Variants in NUAK1 observed in about 807,000 individuals in gnomAD.
NUAK1 encodes NUAK family SNF1-like kinase 1.
NUAK1 carries 26 observed loss-of-function variants against 56.9 expected under a neutral mutation model. The observed-to-expected ratio is 0.46, with a 90% confidence interval of 0.33 to 0.63. NUAK1 has a LOEUF of 0.63. Ranked by LOEUF, NUAK1 falls within the 30% of genes least tolerant of loss-of-function variation. The pLI, the probability that NUAK1 is intolerant of heterozygous loss-of-function variation, is 0.02. For synonymous variants in NUAK1, 337 were observed against 336.0 expected, an observed-to-expected ratio of 1.00 and a Z score of -0.03; for missense variants, 727 against 876.1, an observed-to-expected ratio of 0.83 and a Z score of 2.15.
chr12:106,078,456 A>G (rs1377604680), intron 4 of NUAK1, among the ~76,000 whole-genome samples: 1 of 152,350 alleles, frequency 6.6e-6, no homozygotes, highest in South Asian at 2.1e-4. Flanking sequence ...AAAGTTCTAC[A>G]TAAAGGGGAG....
At chr12:106,114,413 T>C (rs1281186295) in intron 1 of NUAK1, among the ~76,000 whole-genome samples, 1 of 152,106 alleles carries the variant, frequency 6.6e-6, no homozygotes, top group Non-Finnish European at 1.5e-5. Context: ...CAAATGAGGA[T>C]GATGATGGTA....
intron 2 of NUAK1, among the ~76,000 whole-genome samples, chr12:106,087,316 G>A (rs2032583129): frequency 6.6e-6 from 1 of 152,200 alleles, no homozygotes; most frequent in African/African-American, 2.4e-5. Flanking sequence ...GCTCAATCTT[G>A]TCATCTCTTT....
Position 106,067,623 on chromosome 12 carries a change from G to T in NUAK1, c.1165C>A (p.Pro389Thr). The T allele has an allele frequency of 6.2e-7, 1 of 1,614,210 alleles. No homozygotes were observed. Among genetic ancestry groups the T allele is most frequent in the African/African-American group, 1.3e-5 (1 of 75,044 alleles). Reference sequence around the variant, plus strand: ...GGCCTCTTAGAACTCAACTTGGATGGGCTTTCAGGCACTGCATCCTGACCA... The same window carrying T: ...GGCCTCTTAGAACTCAACTTGGATGTGCTTTCAGGCACTGCATCCTGACCA... ...QSGQDAVPES[P>T]SKLSSKRPKG... The change falls in exon 7 of 7, where the codon CCA becomes ACA. Residue 389 changes from proline (P) to threonine (T), a missense_variant. Coordinates refer to ENST00000261402, the MANE Select transcript of NUAK1 (RefSeq NM_014840.3). The surrounding 1 kb of genome is among the most constrained non-coding windows in gnomAD (Gnocchi z 6.0).
intron 2 of NUAK1, among the ~76,000 whole-genome samples, chr12:106,099,941 C>A (rs1299869059): frequency 2.0e-5 from 3 of 151,342 alleles, no homozygotes; most frequent in Non-Finnish European, 2.9e-5. Context: ...CAGGCATGCA[C>A]CATCACGTCC....
chr12:106,129,635 T>A (rs537166367), intron 1 of NUAK1, among the ~76,000 whole-genome samples: 2 of 148,508 alleles, frequency 1.3e-5, no homozygotes, highest in African/African-American at 5.2e-5. Flanking sequence ...ATGGGAGGAT[T>A]TTAAGCATGG....
At chr12:106,114,367 C>T (rs1373913979) in intron 1 of NUAK1, among the ~76,000 whole-genome samples, 2 of 152,148 alleles carry the variant, frequency 1.3e-5, no homozygotes, top group Non-Finnish European at 1.5e-5. Flanking sequence ...GAGAGGGACT[C>T]GGATAATCAC....
At chr12:106,085,526 G>A (rs923056689) in intron 3 of NUAK1, among the ~76,000 whole-genome samples, 2 of 152,160 alleles carry the variant, frequency 1.3e-5, no homozygotes, top group Non-Finnish European at 2.9e-5. Context: ...CTCAAGTCAC[G>A]TTATCCTCAA....
At chr12:106,103,176 T>G (rs909712796) in intron 2 of NUAK1, 1 of 152,266 alleles carries the variant, frequency 6.6e-6, no homozygotes, top group Non-Finnish European at 1.5e-5. Context: ...ACACAGGGCA[T>G]GGTGCTGGTG....
chr12:106,080,344 T>G (rs914848434), intron 4 of NUAK1, among the ~76,000 whole-genome samples: 1 of 152,234 alleles, frequency 6.6e-6, no homozygotes, highest in African/African-American at 2.4e-5. Flanking sequence ...CCTGGACCTC[T>G]TCTCATTGTA....
Position 106,138,842 on chromosome 12 carries a change from G to A in NUAK1, c.-189C>T. 4.2e-6 allele frequency: 3 copies of A among 710,070 alleles called. No individual in the cohort carries two copies. In the Admixed American group the frequency reaches 1.3e-4, roughly 31 times the overall value. 44.0% of individuals were successfully genotyped at this position (710,070 alleles called of 1,614,324 possible). ...CGGGGACTGCACATCTGGCGCCCGCGGCGCGCACGGTCCGCGCACCGCCCC... is the reference window on the plus strand; with the variant it reads ...CGGGGACTGCACATCTGGCGCCCGCAGCGCGCACGGTCCGCGCACCGCCCC... On this transcript the variant is annotated 5_prime_UTR_variant, in exon 1 of 7. Transcript: ENST00000261402. The surrounding 1 kb of genome is among the most constrained non-coding windows in gnomAD (Gnocchi z 5.0).
intron 1 of NUAK1, among the ~76,000 whole-genome samples, chr12:106,110,084 C>T (rs1205207571): frequency 6.6e-6 from 1 of 152,158 alleles, no homozygotes; most frequent in Non-Finnish European, 1.5e-5. Flanking sequence ...CAGCTGGTTA[C>T]ACACCATTAT....
intron 1 of NUAK1, among the ~76,000 whole-genome samples, chr12:106,130,085 G>GATTC (rs535049417): frequency 7.9e-4 from 120 of 152,112 alleles, no homozygotes; most frequent in Non-Finnish European, 1.2e-3. Flanking sequence ...AGGTTCAAGC[G>GATTC]ATTCTCCTGC....
At chr12:106,115,138 G>A (rs2032903021) in intron 1 of NUAK1, among the ~76,000 whole-genome samples, 1 of 152,038 alleles carries the variant, frequency 6.6e-6, no homozygotes, top group Admixed American at 6.6e-5. Flanking sequence ...CTAACCTTGG[G>A]GACAATGAGC....
chr12:106,090,864 G>A (rs2136464739), intron 2 of NUAK1, among the ~76,000 whole-genome samples: 1 of 152,310 alleles, frequency 6.6e-6, no homozygotes, highest in South Asian at 2.1e-4. Flanking sequence ...TGTTGTGGCT[G>A]CCACAGAATC....
intron 4 of NUAK1, among the ~76,000 whole-genome samples, chr12:106,073,094 C>A (rs909836071): frequency 4.6e-5 from 7 of 152,202 alleles, no homozygotes; most frequent in African/African-American, 1.7e-4. Context: ...ACAAGCTCTG[C>A]AACTTACTTA....
intron 2 of NUAK1, among the ~76,000 whole-genome samples, chr12:106,099,046 A>G (rs2032723520): frequency 6.6e-6 from 1 of 152,186 alleles, no homozygotes; most frequent in Non-Finnish European, 1.5e-5. Context: ...TTTCCTTAGT[A>G]TCACACACTG....
intron 3 of NUAK1, among the ~76,000 whole-genome samples, chr12:106,084,298 G>A (rs1028389305): frequency 6.6e-6 from 1 of 152,186 alleles, no homozygotes. Context: ...GATTCCCAGG[G>A]AAGAAGCAGA....
At chr12:106,107,733 C>T (rs1284783305) in intron 1 of NUAK1, among the ~76,000 whole-genome samples, 1 of 152,182 alleles carries the variant, frequency 6.6e-6, no homozygotes, top group Non-Finnish European at 1.5e-5. Context: ...CTGACTTGTA[C>T]CAGCTCTCCA....
Position 106,138,891 on chromosome 12 carries a change from G to T in NUAK1, c.-238C>A. ...CCCCGGCCGCGGCGAGCTGTGGAGC[G>T]TCGGGCGAGGTGGCGGCGGTGGCAG... is the stretch of plus-strand genomic sequence containing the variant. On this transcript the variant is annotated 5_prime_UTR_variant, in exon 1 of 7. Coordinates refer to ENST00000261402, the MANE Select transcript of NUAK1 (RefSeq NM_014840.3). The surrounding 1 kb of genome is among the most constrained non-coding windows in gnomAD (Gnocchi z 5.0). 1 of 426,396 alleles carries T rather than the reference G, an allele frequency of 2.3e-6. No individual in the cohort carries two copies. Among genetic ancestry groups the T allele is most frequent in the African/African-American group, 2.1e-5 (1 of 48,210 alleles). 26.4% of individuals were successfully genotyped at this position (426,396 alleles called of 1,614,324 possible).
Sources: gnomAD v4.1 joint callset for allele counts (sites outside exome capture counted in the v4.1 genomes callset) on GRCh38, gnomAD v4.1.1 for gene constraint, Gnocchi (gnomAD v3.1) non-coding constraint, MANE v1.5 for transcripts, NCBI Gene and HGNC (gene_info 2026-07-23, HGNC 2026-07-21) for gene names.